SRGAP3: variants seen among roughly 807,000 people sequenced by gnomAD.
SRGAP3 encodes SLIT-ROBO Rho GTPase-activating protein 3.
A neutral mutation model predicts 121.1 loss-of-function variants in SRGAP3; 39 were observed. That is an observed-to-expected ratio of 0.32 (90% confidence interval 0.25 to 0.42). SRGAP3 has a LOEUF of 0.42. Among genes scored for constraint, SRGAP3 ranks in the 10% least tolerant of loss-of-function variants. The probability of loss-of-function intolerance (pLI) is 1.00; values close to 1 mark genes in which losing one functional copy is unlikely to be tolerated. For missense variants in SRGAP3, 1,213 were observed against 1,470.6 expected (o/e 0.82, Z 2.86); for synonymous variants, 601 against 570.0 (o/e 1.05, Z -0.77).
At position 9,107,462 on chromosome 3, in the gene SRGAP3, G is replaced by T. The variant is rs535454598; in HGVS notation, c.261-2620C>A. ...GCCTCTTCTATTCCCACTGGGGCCTGGACGCTTTTCCCTCTGCCTGGAATA... is the reference window on the plus strand; with the variant it reads ...GCCTCTTCTATTCCCACTGGGGCCTTGACGCTTTTCCCTCTGCCTGGAATA... On this transcript the variant is annotated intron_variant, in intron 2 of 21. Coordinates refer to ENST00000383836, the MANE Select transcript of SRGAP3 (RefSeq NM_014850.4). Among the ~76,000 whole-genome samples the T allele has an allele frequency of 2.4e-4, 36 of 152,310 alleles. No homozygotes were observed. The South Asian group carries it at 5.2e-3, about 22-fold the overall frequency.
intron 1 of SRGAP3, among the ~76,000 whole-genome samples, chr3:9,180,104 G>C (rs1951325890): frequency 6.6e-6 from 1 of 152,260 alleles, no homozygotes; most frequent in African/African-American, 2.4e-5. Flanking sequence ...AGACATTCAA[G>C]AGAAAGGGAG....
chr3:9,087,707 T>C (rs1453774071), intron 3 of SRGAP3, among the ~76,000 whole-genome samples: 1 of 152,074 alleles, frequency 6.6e-6, no homozygotes, highest in African/African-American at 2.4e-5. Context: ...CAGAGGCGGA[T>C]AGAGTACAGG....
intron 1 of SRGAP3, among the ~76,000 whole-genome samples, chr3:9,349,430 G>A (rs1206236909): frequency 6.6e-6 from 1 of 152,236 alleles, no homozygotes; most frequent in African/African-American, 2.4e-5. Context: ...CCAAGCTGTG[G>A]AAAGCTCCTC....
In SRGAP3 at chr3:8,986,930, C is replaced by T. The variant is rs1325290312; in HGVS notation, c.2887-998G>A. ...CATGCCACAGGGCAGCTTCCCTCAG[C>T]TCCCGTCCCCTCATGCCCAAGGTGG... On this transcript the variant is annotated intron_variant, in intron 21 of 21. Transcript: ENST00000383836. 2.6e-5 allele frequency among the ~76,000 whole-genome samples: 4 copies of T among 152,222 alleles called. No homozygotes were observed. In the East Asian group the frequency reaches 5.8e-4, roughly 22 times the overall value.
intron 1 of SRGAP3, among the ~76,000 whole-genome samples, chr3:9,216,240 G>GGCC (rs1472241305): frequency 1.3e-5 from 2 of 152,170 alleles, no homozygotes; most frequent in African/African-American, 4.8e-5. Flanking sequence ...AGAACACTCA[G>GGCC]GCCCTGCCTC....
chr3:9,064,861 T>TAAATAAATA (rs112590835), intron 4 of SRGAP3, among the ~76,000 whole-genome samples: 1 of 149,732 alleles, frequency 6.7e-6, no homozygotes, highest in African/African-American at 2.5e-5. Flanking sequence ...TAAAAAATAA[T>TAAATAAATA]AATAAATAAA....
At chr3:9,061,720 T>G (rs1946180538) in intron 5 of SRGAP3, among the ~76,000 whole-genome samples, 1 of 152,034 alleles carries the variant, frequency 6.6e-6, no homozygotes, top group East Asian at 1.9e-4. Flanking sequence ...TCATTTTCAG[T>G]GACTGGAGGA....
intron 4 of SRGAP3, among the ~76,000 whole-genome samples, chr3:9,074,512 A>T (rs1946866831): frequency 1.3e-5 from 2 of 152,250 alleles, no homozygotes; most frequent in South Asian, 4.2e-4. Flanking sequence ...TTAAAAAGGG[A>T]GGGGAGGTCA....
At chr3:9,261,544 C>T (rs1344121751) in intron 3 of SRGAP3, among the ~76,000 whole-genome samples, 4 of 151,764 alleles carry the variant, frequency 2.6e-5, no homozygotes, top group Admixed American at 2.6e-4. Flanking sequence ...ACAAGAACTT[C>T]GTGAAGCATA....
rs969063872 is a variant in SRGAP3, at chr3:9,031,608, T to C, written c.1539+1042A>G. ...TCCTGGGACCCAGGCTGGTCCTGCT[T>C]ACCCCCTCCCCTGCCTAAGGCCAAA... On this transcript the variant is annotated intron_variant, in intron 12 of 21. Transcript: ENST00000383836. 4.6e-5 allele frequency among the ~76,000 whole-genome samples: 7 copies of C among 152,272 alleles called. No homozygotes were observed. In the East Asian group the frequency reaches 1.4e-3, roughly 29 times the overall value.
intron 21 of SRGAP3, among the ~76,000 whole-genome samples, chr3:8,989,306 G>A (rs1013808058): frequency 6.6e-6 from 1 of 152,224 alleles, no homozygotes; most frequent in African/African-American, 2.4e-5. Context: ...GGGGGGACCA[G>A]CAGCTGGCAT....
chr3:9,042,994 C>T (rs1489414721), intron 10 of SRGAP3, among the ~76,000 whole-genome samples: 1 of 152,172 alleles, frequency 6.6e-6, no homozygotes, highest in Non-Finnish European at 1.5e-5. Flanking sequence ...GATGTCTTCT[C>T]ATCCTTTAGT....
At chr3:9,116,303 C>T (rs1178921104) in intron 2 of SRGAP3, among the ~76,000 whole-genome samples, 2 of 152,176 alleles carry the variant, frequency 1.3e-5, no homozygotes, top group Admixed American at 1.3e-4. Flanking sequence ...CAAAATAAGT[C>T]TATTTGTTAA....
chr3:9,126,151 C>T (rs1174079767), intron 1 of SRGAP3, among the ~76,000 whole-genome samples: 4 of 152,168 alleles, frequency 2.6e-5, no homozygotes, highest in African/African-American at 4.8e-5. Flanking sequence ...CACATCCATT[C>T]CCACTGCCTG....
intron 1 of SRGAP3, among the ~76,000 whole-genome samples, chr3:9,149,179 A>G (rs1950126787): frequency 6.7e-6 from 1 of 148,246 alleles, no homozygotes. Context: ...GCGCCACTGC[A>G]CTCCAGCCCA....
intron 17 of SRGAP3, among the ~76,000 whole-genome samples, chr3:9,011,041 GT>G (rs33924497): frequency 0.77 from 116,078 of 151,412 alleles, 44,593 homozygotes; most frequent in South Asian, 0.88. Flanking sequence ...TAATCAGCCA[GT>G]TTTTTTTTTA....
Position 9,249,067 on chromosome 3 carries a change from G to A in SRGAP3, c.-116C>T. On this transcript the variant is annotated 5_prime_UTR_variant, in exon 1 of 22. Coordinates refer to ENST00000383836, the MANE Select transcript of SRGAP3 (RefSeq NM_014850.4). ...CTCTGGTCGATTTCACAGGTTTAGG[G>A]ACTAATCTCTTTCACTTGGCTGCAG... The A allele has an allele frequency of 9.9e-7, 1 of 1,011,616 alleles. No homozygotes were observed. The highest frequency in any genetic ancestry group is 1.3e-5 in the South Asian group (1 of 75,538). 62.7% of individuals were successfully genotyped at this position (1,011,616 alleles called of 1,614,324 possible). A position where few individuals can be genotyped will look rare whatever the true frequency, so the allele number is the denominator to read the frequency against.
intron 1 of SRGAP3, among the ~76,000 whole-genome samples, chr3:9,336,240 C>T (rs962195683): frequency 2.6e-5 from 4 of 151,484 alleles, no homozygotes; most frequent in Non-Finnish European, 5.9e-5. Context: ...CTCTCCCTCT[C>T]GAGTCTCATT....
chr3:9,201,410 G>C (rs1952064358), intron 1 of SRGAP3, among the ~76,000 whole-genome samples: 1 of 152,210 alleles, frequency 6.6e-6, no homozygotes, highest in South Asian at 2.1e-4. Context: ...ATGAAAACTT[G>C]CCTGCTGAGA....
Sources: allele counts gnomAD v4.1 joint callset (sites outside exome capture counted in the v4.1 genomes callset), GRCh38; gene constraint gnomAD v4.1.1; transcripts MANE v1.5; gene names NCBI Gene and HGNC (gene_info 2026-07-23, HGNC 2026-07-21).